The following THEMIS variants were observed in gnomAD, a reference collection of about 807,000 sequenced individuals.
The protein encoded by THEMIS is protein THEMIS.
A neutral mutation model predicts 52.6 loss-of-function variants in THEMIS; 37 were observed. That is an observed-to-expected ratio of 0.70 (90% CI 0.54 to 0.93). The LOEUF (loss-of-function observed/expected upper bound fraction) is 0.93, where lower values mean the gene tolerates loss of function less well. Ranked by LOEUF, THEMIS falls within the 40% of genes least tolerant of loss-of-function variation. THEMIS has a pLI of 0.00. For missense variants in THEMIS, 808 were observed against 763.1 expected (o/e 1.06, Z -0.69); for synonymous variants, 292 against 272.7 (o/e 1.07, Z -0.70).
chr6:127,737,131 C>T (rs1444656441), intron 4 of THEMIS, among the ~76,000 whole-genome samples: 1 of 152,094 alleles, frequency 6.6e-6, no homozygotes, highest in African/African-American at 2.4e-5. Context: ...GGCAGTCTTC[C>T]CTGGCTCTTG....
chr6:127,820,061 C>G (rs1432341076), intron 3 of THEMIS, among the ~76,000 whole-genome samples: 2 of 152,028 alleles, frequency 1.3e-5, no homozygotes, highest in African/African-American at 4.8e-5. Context: ...CTGCAGTACT[C>G]ATGACGTTAT....
intron 3 of THEMIS, among the ~76,000 whole-genome samples, chr6:127,819,523 C>T (rs1328293306): frequency 6.6e-6 from 1 of 152,016 alleles, no homozygotes; most frequent in African/African-American, 2.4e-5. Context: ...AAAGACAAAG[C>T]AAAAACTTGA....
In THEMIS at chr6:127,730,321, A is replaced by AAAAAGAAAAG. The variant is rs1174763634; in HGVS notation, c.1759-10508_1759-10499dup. On this transcript the variant is annotated intron_variant, in intron 4 of 5. Transcript: ENST00000368248. ...GAAAAGAAAAGAAAAGAAAAGAGAAAAAAAGAAAAGAAAAGAAAAGAAGAG... is the reference window on the plus strand; with the variant it reads ...GAAAAGAAAAGAAAAGAAAAGAGAAAAAAAGAAAAGAAAAGAAAAGAAAAGAAAAGAAGAG... 2.9e-3 allele frequency among the ~76,000 whole-genome samples: 180 copies of AAAAAGAAAAG among 61,590 alleles called. 1 individual carries two copies. Among genetic ancestry groups the AAAAAGAAAAG allele is most frequent in the Middle Eastern group, 0.01 (1 of 100 alleles). The allele number at this position is 61,590 out of a possible 152,430, so 40.4% of individuals were successfully genotyped here.
At chr6:127,823,723 T>C (rs992858706) in intron 3 of THEMIS, among the ~76,000 whole-genome samples, 1 of 152,080 alleles carries the variant, frequency 6.6e-6, no homozygotes, top group Non-Finnish European at 1.5e-5. Context: ...TTATAATAGA[T>C]CCAGGCAAAA....
intron 1 of THEMIS, among the ~76,000 whole-genome samples, chr6:127,896,943 A>T (rs1780986403): frequency 6.6e-6 from 1 of 151,508 alleles, no homozygotes; most frequent in South Asian, 2.1e-4. Context: ...TATTTAAGAC[A>T]GGAAAAATTG....
intron 5 of THEMIS, among the ~76,000 whole-genome samples, chr6:127,712,929 C>T (rs527496767): frequency 6.6e-6 from 1 of 151,908 alleles, no homozygotes; most frequent in East Asian, 1.9e-4. Flanking sequence ...AATTTACATT[C>T]TCTTATAAAC....
intron 4 of THEMIS, among the ~76,000 whole-genome samples, chr6:127,735,698 A>G (rs752738904): frequency 5.7e-4 from 87 of 152,222 alleles, no homozygotes; most frequent in Non-Finnish European, 1.0e-3. Context: ...AAGCCCTGGA[A>G]TGACAGTTGC....
intron 1 of THEMIS, among the ~76,000 whole-genome samples, chr6:127,861,192 C>T (rs948011187): frequency 2.0e-5 from 3 of 152,070 alleles, no homozygotes; most frequent in Admixed American, 6.6e-5. Flanking sequence ...TTAGGAAGGA[C>T]TTGGTTTCAA....
chr6:127,871,823 A>G (rs1262005817), intron 1 of THEMIS, among the ~76,000 whole-genome samples: 1 of 152,146 alleles, frequency 6.6e-6, no homozygotes, highest in Non-Finnish European at 1.5e-5. Flanking sequence ...CTCCCAAAAA[A>G]GAAATCTCCA....
chr6:127,723,641 C>T (rs1170369834), intron 4 of THEMIS, among the ~76,000 whole-genome samples: 1 of 151,942 alleles, frequency 6.6e-6, no homozygotes, highest in East Asian at 1.9e-4. Context: ...CTTTCAGGTC[C>T]ACAATCTCAT....
chr6:127,867,345 TTCTC>T (rs1046941602), intron 1 of THEMIS, among the ~76,000 whole-genome samples: 1 of 152,092 alleles, frequency 6.6e-6, no homozygotes, highest in African/African-American at 2.4e-5. Context: ...AAATGCTTAT[TTCTC>T]TCTCTCAACC....
chr6:127,860,429 C>T (rs887391828), intron 1 of THEMIS, among the ~76,000 whole-genome samples: 10 of 152,164 alleles, frequency 6.6e-5, no homozygotes, highest in African/African-American at 1.9e-4. Flanking sequence ...GAAGGCAAGG[C>T]ATTGGGATTA....
chr6:127,814,065 T>A, intron 3 of THEMIS, 134 bp from the exon 4 acceptor site: 1 of 780,092 alleles, frequency 1.3e-6, no homozygotes, highest in Non-Finnish European at 1.9e-6. Flanking sequence ...TCATTTCTTA[T>A]GTGTGATTTT....
At chr6:127,768,257 C>A (rs1211767798) in intron 4 of THEMIS, among the ~76,000 whole-genome samples, 4 of 152,034 alleles carry the variant, frequency 2.6e-5, no homozygotes, top group Non-Finnish European at 5.9e-5. Flanking sequence ...TGTTAACTAA[C>A]CTTATTTGTA....
chr6:127,911,772 G>A (rs1278511440), intron 1 of THEMIS, among the ~76,000 whole-genome samples: 2 of 151,540 alleles, frequency 1.3e-5, no homozygotes, highest in East Asian at 3.9e-4. Flanking sequence ...GTTTACCGTG[G>A]AGGCAGAAGC....
chr6:127,835,792 T>G (rs1358007322), intron 2 of THEMIS, among the ~76,000 whole-genome samples: 1 of 152,146 alleles, frequency 6.6e-6, no homozygotes, highest in Admixed American at 6.5e-5. Flanking sequence ...CCAGCATGTT[T>G]GAATATGGAA....
intron 4 of THEMIS, among the ~76,000 whole-genome samples, chr6:127,799,557 T>TTCTA (rs1562264750): frequency 3.8e-5 from 2 of 52,686 alleles, no homozygotes; most frequent in Admixed American, 1.4e-4. Flanking sequence ...CTTTCTATCT[T>TTCTA]TCTTTCTTTC....
intron 4 of THEMIS, among the ~76,000 whole-genome samples, chr6:127,786,785 G>A (rs369839953): frequency 5.9e-5 from 9 of 152,096 alleles, no homozygotes; most frequent in Non-Finnish European, 7.4e-5. Flanking sequence ...AGAAATTAAC[G>A]AAAAAGAAAT....
chr6:127,725,171 A>G (rs1202912965), intron 4 of THEMIS, among the ~76,000 whole-genome samples: 2 of 152,094 alleles, frequency 1.3e-5, no homozygotes, highest in Non-Finnish European at 2.9e-5. Context: ...AAACACTGCT[A>G]CTTTCCACTG....
Sources: gnomAD v4.1 joint callset for allele counts (sites outside exome capture counted in the v4.1 genomes callset) on GRCh38, gnomAD v4.1.1 for gene constraint, MANE v1.5 for transcripts, NCBI Gene and HGNC (gene_info 2026-07-23, HGNC 2026-07-21) for gene names.